HDAC9: variants seen among roughly 807,000 people sequenced by gnomAD.
The protein encoded by HDAC9 is MEF-2 interacting transcription repressor (MITR) protein.
HDAC9 carries 41 observed loss-of-function variants against 139.4 expected under a neutral mutation model. The observed-to-expected ratio is 0.29, with a 90% CI of 0.23 to 0.38. HDAC9 has a LOEUF of 0.38. HDAC9 is among the 10% of genes least tolerant of loss of function. The pLI is 1.00. For synonymous variants in HDAC9, 517 were observed against 476.2 expected, an observed-to-expected ratio of 1.09 and a Z score of -1.12; for missense variants, 1,147 against 1,297.0, an observed-to-expected ratio of 0.88 and a Z score of 1.78.
chr7:18,475,937 G>T (rs1383662471), intron 1 of HDAC9, among the ~76,000 whole-genome samples: 1 of 152,138 alleles, frequency 6.6e-6, no homozygotes. Context: ...TATGTTCTGT[G>T]GTACAACCAT....
At chr7:18,276,579 A>G (rs1390366992) in intron 2 of HDAC9, among the ~76,000 whole-genome samples, 6 of 152,216 alleles carry the variant, frequency 3.9e-5, no homozygotes, top group African/African-American at 7.2e-5. Flanking sequence ...TCTCTGCAGC[A>G]TATTATGTCT....
intron 22 of HDAC9, among the ~76,000 whole-genome samples, chr7:18,920,211 A>C (rs1803572408): frequency 6.6e-6 from 1 of 152,128 alleles, no homozygotes; most frequent in Admixed American, 6.6e-5. Flanking sequence ...GAGGTCCTTC[A>C]CATCCCTTGT....
chr7:18,250,639 C>T (rs986497212), intron 2 of HDAC9, among the ~76,000 whole-genome samples: 6 of 152,144 alleles, frequency 3.9e-5, no homozygotes, highest in South Asian at 4.1e-4. Context: ...TGAGTTACCA[C>T]GCAAATCTCA....
At chr7:18,300,423 T>C (rs1798459897) in intron 1 of HDAC9, among the ~76,000 whole-genome samples, 1 of 151,994 alleles carries the variant, frequency 6.6e-6, no homozygotes, top group Admixed American at 6.6e-5. Flanking sequence ...GACTTATCAA[T>C]ACCTTCATGA....
chr7:18,272,676 A>G (rs914486838), intron 2 of HDAC9, among the ~76,000 whole-genome samples: 6 of 152,164 alleles, frequency 3.9e-5, no homozygotes, highest in Non-Finnish European at 5.9e-5. Flanking sequence ...ATTTAAATCA[A>G]TGGAGAAATA....
chr7:18,269,777 C>A (rs1212774031), intron 2 of HDAC9, among the ~76,000 whole-genome samples: 1 of 151,990 alleles, frequency 6.6e-6, no homozygotes, highest in Non-Finnish European at 1.5e-5. Flanking sequence ...TATACACACA[C>A]ATATATATGC....
intron 2 of HDAC9, among the ~76,000 whole-genome samples, chr7:18,562,512 C>G (rs1820933633): frequency 6.6e-6 from 1 of 152,090 alleles, no homozygotes. Flanking sequence ...TGTTGAAAAA[C>G]TGTTATTTTC....
At chr7:18,835,651 T>C (rs773782564) in intron 20 of HDAC9, 65 bp downstream of exon 20, 1 of 1,589,278 alleles carries the variant, frequency 6.3e-7, no homozygotes, top group Non-Finnish European at 8.6e-7. Context: ...ATTGCATGAT[T>C]ACCCCTAATT....
At chr7:18,577,219 C>G (rs1826254536) in intron 2 of HDAC9, among the ~76,000 whole-genome samples, 1 of 152,246 alleles carries the variant, frequency 6.6e-6, no homozygotes, top group Non-Finnish European at 1.5e-5. Flanking sequence ...GCTTCTGCCA[C>G]ACTGCTTGTT....
intron 2 of HDAC9, among the ~76,000 whole-genome samples, chr7:18,553,027 A>G (rs1252991765): frequency 6.6e-6 from 1 of 152,176 alleles, no homozygotes; most frequent in Non-Finnish European, 1.5e-5. Context: ...ATTATCTTCT[A>G]CTTTTGAACT....
At chr7:18,933,512 G>C (rs1025672741) in intron 22 of HDAC9, among the ~76,000 whole-genome samples, 1 of 151,958 alleles carries the variant, frequency 6.6e-6, no homozygotes, top group Non-Finnish European at 1.5e-5. Context: ...TTGGAGGTTA[G>C]AATTTCCATA....
intron 1 of HDAC9, among the ~76,000 whole-genome samples, chr7:18,424,175 C>T (rs1463453409): frequency 6.6e-6 from 1 of 152,184 alleles, no homozygotes; most frequent in Admixed American, 6.5e-5. Flanking sequence ...AAGTCAATTT[C>T]CAAATGTTTA....
chr7:18,130,031 C>A (rs139137021), intron 1 of HDAC9, among the ~76,000 whole-genome samples: 1 of 152,090 alleles, frequency 6.6e-6, no homozygotes, highest in Non-Finnish European at 1.5e-5. Context: ...AACAACACAA[C>A]GGATGAAGAG....
intron 2 of HDAC9, chr7:18,578,324 C>T (rs1171726912): frequency 2.1e-6 from 1 of 470,578 alleles, no homozygotes; most frequent in African/African-American, 2.0e-5. Flanking sequence ...ACATGTTAGC[C>T]TGCGGAAAGA....
intron 1 of HDAC9, among the ~76,000 whole-genome samples, chr7:18,108,611 CTTTT>C (rs10708554): frequency 1.2e-5 from 1 of 82,976 alleles, no homozygotes. Context: ...CACTCATCTC[CTTTT>C]TTTTTTTTTT....
intron 5 of HDAC9, 30 bp downstream of exon 5, chr7:18,591,672 C>T (rs767235279): frequency 3.1e-6 from 5 of 1,608,998 alleles, no homozygotes; most frequent in Admixed American, 1.7e-5. Flanking sequence ...GTTTTCATTC[C>T]TGGGGTAAAG....
At chr7:18,260,327 T>G (rs1272719398) in intron 2 of HDAC9, among the ~76,000 whole-genome samples, 3 of 147,164 alleles carry the variant, frequency 2.0e-5, no homozygotes, top group Non-Finnish European at 3.0e-5. Context: ...TTTTTTGTTT[T>G]TTTTTTTTTT....
At chr7:18,547,857 T>TTCCTTCCTTCCTTCCTTCCTTCCCTCCC (rs1563229989) in intron 2 of HDAC9, among the ~76,000 whole-genome samples, 3 of 118,498 alleles carry the variant, frequency 2.5e-5, no homozygotes, top group African/African-American at 1.2e-4. Context: ...CCTTCCTTCC[T>TTCCTTCCTTCCTTCCTTCCTTCCCTCCC]ACCCTCCCTC....
chr7:18,154,484 A>G (rs900841296), intron 1 of HDAC9, among the ~76,000 whole-genome samples: 1 of 152,238 alleles, frequency 6.6e-6, no homozygotes, highest in Non-Finnish European at 1.5e-5. Flanking sequence ...CTGTAATGAT[A>G]ATAACAGCCA....
Sources: gnomAD v4.1 joint callset for allele counts (sites outside exome capture counted in the v4.1 genomes callset) on GRCh38, gnomAD v4.1.1 for gene constraint, MANE v1.5 for transcripts, NCBI Gene and HGNC (gene_info 2026-07-23, HGNC 2026-07-21) for gene names.